ARK2C: variants seen among roughly 807,000 people sequenced by gnomAD.
ARK2C encodes the protein arkadia (RNF111) C-terminal like ring finger ubiquitin ligase 2C.
chr18:46,360,587 T>A, the ARK2C span, among the ~76,000 whole-genome samples: 1 of 152,194 alleles, frequency 6.6e-6, no homozygotes, highest in Admixed American at 6.5e-5. Flanking sequence ...TCTCCTCTCC[T>A]CTTTTGGGGC....
the ARK2C span, among the ~76,000 whole-genome samples, chr18:46,363,001 G>C: frequency 7.9e-5 from 12 of 152,324 alleles, no homozygotes; most frequent in Non-Finnish European, 1.5e-4. Flanking sequence ...AAAAAGTGTA[G>C]AGTTAAAACC....
At chr18:46,355,709 GC>G in the ARK2C span, among the ~76,000 whole-genome samples, 2 of 149,358 alleles carry the variant, frequency 1.3e-5, no homozygotes, top group Non-Finnish European at 3.0e-5. Flanking sequence ...TGCCTGCCTG[GC>G]TTCCTGGCAG....
chr18:46,399,256 G>A, the ARK2C span, among the ~76,000 whole-genome samples: 3 of 152,318 alleles, frequency 2.0e-5, no homozygotes, highest in Non-Finnish European at 2.9e-5. Context: ...TACTCTGGAC[G>A]TCCAGGGCAG....
At chr18:46,442,985 G>A in the ARK2C span, among the ~76,000 whole-genome samples, 57 of 152,200 alleles carry the variant, frequency 3.7e-4, no homozygotes, top group African/African-American at 1.3e-3. Context: ...TAGCACTTAC[G>A]GGGTATATCT....
At chr18:46,371,221 G>A in the ARK2C span, among the ~76,000 whole-genome samples, 1 of 152,276 alleles carries the variant, frequency 6.6e-6, no homozygotes, top group South Asian at 2.1e-4. Flanking sequence ...CCCTGCCCTT[G>A]ACACGTGAGG....
the ARK2C span, among the ~76,000 whole-genome samples, chr18:46,344,085 A>G: frequency 4.6e-5 from 7 of 152,066 alleles, no homozygotes; most frequent in African/African-American, 1.7e-4. Context: ...AAGGAGGGGG[A>G]CAGTCACCCA....
the ARK2C span, among the ~76,000 whole-genome samples, chr18:46,430,423 G>A: frequency 1.3e-5 from 2 of 152,198 alleles, no homozygotes; most frequent in Non-Finnish European, 2.9e-5. Flanking sequence ...ACACTTCACA[G>A]GGAGATGTCT....
the ARK2C span, among the ~76,000 whole-genome samples, chr18:46,380,201 T>C: frequency 1.3e-5 from 2 of 152,254 alleles, no homozygotes; most frequent in Non-Finnish European, 2.9e-5. Flanking sequence ...GGATGGTCTC[T>C]CTGCTGCCTT....
At chr18:46,437,204 T>C in the ARK2C span, among the ~76,000 whole-genome samples, 3 of 142,922 alleles carry the variant, frequency 2.1e-5, no homozygotes, top group African/African-American at 7.4e-5. Context: ...CCTTGGGCTC[T>C]TTCTGCTTGT....
At chr18:46,407,706 A>C in the ARK2C span, among the ~76,000 whole-genome samples, 1 of 152,232 alleles carries the variant, frequency 6.6e-6, no homozygotes, top group African/African-American at 2.4e-5. Flanking sequence ...AATTAAGAGC[A>C]GGGCAGTACA....
At chr18:46,358,199 A>ACCCC in the ARK2C span, among the ~76,000 whole-genome samples, 1 of 151,900 alleles carries the variant, frequency 6.6e-6, no homozygotes, top group Non-Finnish European at 1.5e-5. Context: ...CATGAGCTGG[A>ACCCC]CCCCCTGTGA....
chr18:46,403,010 C>T, the ARK2C span, among the ~76,000 whole-genome samples: 1 of 151,054 alleles, frequency 6.6e-6, no homozygotes, highest in Non-Finnish European at 1.5e-5. Context: ...TCCTGTTGAG[C>T]TTGTTGCTCT....
the ARK2C span, among the ~76,000 whole-genome samples, chr18:46,346,329 G>T: frequency 2.0e-5 from 3 of 152,218 alleles, no homozygotes; most frequent in Non-Finnish European, 4.4e-5. Flanking sequence ...ATTTAAAAGT[G>T]TACTACAATT....
chr18:46,357,098 C>T, the ARK2C span, among the ~76,000 whole-genome samples: 4 of 152,156 alleles, frequency 2.6e-5, no homozygotes, highest in Non-Finnish European at 5.9e-5. Flanking sequence ...TATGTGTTTG[C>T]GAATTTCAAG....
the ARK2C span, among the ~76,000 whole-genome samples, chr18:46,432,141 G>A: frequency 9.9e-5 from 15 of 152,128 alleles, no homozygotes; most frequent in African/African-American, 2.4e-4. Context: ...CTGAAATGCC[G>A]GGTCTACTTC....
chr18:46,337,682 CATTT>C, the ARK2C span: 1 of 885,654 alleles, frequency 1.1e-6, no homozygotes, highest in Non-Finnish European at 1.4e-6. Context: ...GCTGTTTTCC[CATTT>C]ATTGTCGTAT....
the ARK2C span, among the ~76,000 whole-genome samples, chr18:46,451,879 C>A: frequency 6.6e-6 from 1 of 152,118 alleles, no homozygotes; most frequent in Non-Finnish European, 1.5e-5. Flanking sequence ...CTGAGGAATT[C>A]TTAAGTAAAA....
At chr18:46,462,967 A>C in the ARK2C span, 1 of 152,280 alleles carries the variant, frequency 6.6e-6, no homozygotes, top group Non-Finnish European at 1.5e-5. Flanking sequence ...ATTTTGCTAC[A>C]TAGACTATTT....
the ARK2C span, among the ~76,000 whole-genome samples, chr18:46,417,027 C>T: frequency 2.0e-5 from 3 of 152,214 alleles, no homozygotes; most frequent in African/African-American, 4.8e-5. Flanking sequence ...AACTATCAGC[C>T]ACACCAATCT....
Sources: gnomAD v4.1 joint callset for allele counts (sites outside exome capture counted in the v4.1 genomes callset) on GRCh38, gnomAD v4.1.1 for gene constraint, MANE v1.5 for transcripts, NCBI Gene and HGNC (gene_info 2026-07-23, HGNC 2026-07-21) for gene names.